DENND4C: variants seen among roughly 807,000 people sequenced by gnomAD.
The protein encoded by DENND4C is DENN domain-containing protein 4C.
Under a neutral mutation model 203.0 loss-of-function variants are expected in DENND4C, and 108 were observed. That is an observed-to-expected ratio of 0.53 (90% CI 0.46 to 0.62). DENND4C has a LOEUF of 0.62. DENND4C is among the 20% of genes least tolerant of loss of function. The pLI is 0.00. For synonymous variants in DENND4C, 871 were observed against 792.4 expected (o/e 1.10, Z -1.67); for missense variants, 2,481 against 2,301.2 (o/e 1.08, Z -1.60).
chr9:19,367,436 A>G (rs1169807849), intron 30 of DENND4C, among the ~76,000 whole-genome samples: 1 of 152,270 alleles, frequency 6.6e-6, no homozygotes, highest in African/African-American at 2.4e-5. Context: ...ACAAATGTCT[A>G]TCAGTCTATG....
In DENND4C at chr9:19,319,353, T is replaced by TACAC. The variant is rs1563799068; in HGVS notation, c.1807+2515_1807+2516insCACA. ...ATATATATACACATATATATATACT[T>TACAC]ATATATACACACATATATATACACA... On this transcript the variant is annotated intron_variant, in intron 12 of 32. Transcript: ENST00000434457. 3.0e-3 allele frequency among the ~76,000 whole-genome samples: 13 copies of TACAC among 4,332 alleles called. 1 individual carries two copies. The highest frequency in any genetic ancestry group is 6.4e-3 in the African/African-American group (13 of 2,040). 2.8% of individuals were successfully genotyped at this position (4,332 alleles called of 152,430 possible).
At position 19,347,102 on chromosome 9, in the gene DENND4C, G is replaced by A. The variant is rs1168222014; in HGVS notation, c.4317+16G>A. 13 of 1,599,204 alleles carry A rather than the reference G, an allele frequency of 8.1e-6. No individual in the cohort carries two copies. The Admixed American group carries it at 2.0e-4, about 25-fold the overall frequency. ...AGATGATGAGGTAAGAAAGCTTTAT[G>A]TGTGTAGTCTGTCTGCTATTGGAGT... On this transcript the variant is annotated intron_variant, in intron 23 of 32. Coordinates refer to ENST00000434457, the MANE Select transcript of DENND4C (RefSeq NM_001330640.2).
At chr9:19,359,875 T>C (rs903548832) in intron 28 of DENND4C, among the ~76,000 whole-genome samples, 2 of 152,220 alleles carry the variant, frequency 1.3e-5, no homozygotes, top group African/African-American at 4.8e-5. Context: ...CCCATCAGTT[T>C]AGAGTTGTAG....
chr9:19,272,946 T>C (rs1437500907), intron 1 of DENND4C, among the ~76,000 whole-genome samples: 3 of 73,712 alleles, frequency 4.1e-5, no homozygotes, highest in Non-Finnish European at 8.6e-5. Context: ...TTTTGTATCC[T>C]TTTTTTTTTT....
chr9:19,325,843 A>AG, intron 13 of DENND4C, 96 bp from the exon 14 acceptor site: 1 of 1,150,246 alleles, frequency 8.7e-7, no homozygotes, highest in Non-Finnish European at 1.3e-6. Context: ...GGTACTGAAA[A>AG]GGGGTAGTTT....
At chr9:19,246,350 G>C (rs957962142) in intron 1 of DENND4C, among the ~76,000 whole-genome samples, 4 of 152,054 alleles carry the variant, frequency 2.6e-5, no homozygotes, top group Non-Finnish European at 5.9e-5. Flanking sequence ...CTACACCATT[G>C]CTGTGTCTGC....
intron 1 of DENND4C, among the ~76,000 whole-genome samples, chr9:19,243,979 T>G (rs1243616474): frequency 1.3e-5 from 2 of 152,016 alleles, no homozygotes; most frequent in African/African-American, 4.8e-5. Flanking sequence ...TCTGGGTAAT[T>G]TTTAAAAATT....
intron 23 of DENND4C, among the ~76,000 whole-genome samples, chr9:19,348,476 A>G (rs941979047): frequency 6.6e-6 from 1 of 152,342 alleles, no homozygotes; most frequent in Middle Eastern, 3.4e-3. Context: ...GAAGAGTGTC[A>G]GAAGAGTATA....
chr9:19,325,826 A>G (rs1817697134), intron 13 of DENND4C, 113 bp from the exon 14 acceptor site: 1 of 946,784 alleles, frequency 1.1e-6, no homozygotes. Flanking sequence ...CATGTTTTGT[A>G]TCAGCTGGTA....
chr9:19,370,877 G>C (rs1421114185), intron 31 of DENND4C, among the ~76,000 whole-genome samples: 1 of 152,132 alleles, frequency 6.6e-6, no homozygotes, highest in Admixed American at 6.5e-5. Flanking sequence ...AGTTTTTTAG[G>C]TCATGGCATC....
intron 3 of DENND4C, among the ~76,000 whole-genome samples, chr9:19,288,173 C>G (rs950163719): frequency 6.6e-6 from 1 of 152,208 alleles, no homozygotes; most frequent in Non-Finnish European, 1.5e-5. Flanking sequence ...CTAATATTAG[C>G]TTAATGTTGT....
chr9:19,358,093 A>C lies in DENND4C; in HGVS notation c.5093A>C (p.Asp1698Ala). Residue 1698 changes from aspartate (D) to alanine (A), a missense_variant, in exon 28 of 33, where the codon GAC becomes GCC. Physicochemically the swap from Asp to Ala is moderately radical, Grantham distance 126 (BLOSUM62 -2). This residue lies in a region of DENND4C where 2,289 missense variants were observed against 2,113.3 expected (regional missense o/e 1.08). Coordinates refer to ENST00000434457, the MANE Select transcript of DENND4C (RefSeq NM_001330640.2). This position sits in a 1 kb window ranked among gnomAD's most constrained non-coding sequence, Gnocchi z 4.8. ...HSVGGPLQNI[D>A]FTQRPFHGIS... ...GTTGGAGGCCCATTGCAGAATATTGACTTTACCCAGCGACCGTTTCATGGC... is the reference window on the plus strand; with the variant it reads ...GTTGGAGGCCCATTGCAGAATATTGCCTTTACCCAGCGACCGTTTCATGGC... 6.2e-7 allele frequency: 1 copy of C among 1,613,980 alleles called. No individual in the cohort carries two copies. Among genetic ancestry groups the C allele is most frequent in the Non-Finnish European group, 8.5e-7 (1 of 1,179,874 alleles).
chr9:19,264,232 G>T (rs1830020138), intron 1 of DENND4C, among the ~76,000 whole-genome samples: 1 of 151,140 alleles, frequency 6.6e-6, no homozygotes, highest in Non-Finnish European at 1.5e-5. Flanking sequence ...TTGGTAGGTT[G>T]TATGTTTCTA....
chr9:19,299,155 A>C lies in DENND4C; in HGVS notation c.1108-74A>C, dbSNP rs998412495. ...CTTTGATCTAAATATATAGATTTCAAAAGTAGTTTTGAAACTTATCTCTTG... is the reference window on the plus strand; with the variant it reads ...CTTTGATCTAAATATATAGATTTCACAAGTAGTTTTGAAACTTATCTCTTG... On this transcript the variant is annotated intron_variant, in intron 7 of 32. Transcript: ENST00000434457. 5 of 1,109,980 alleles carry C rather than the reference A, an allele frequency of 4.5e-6. No individual in the cohort carries two copies. In the South Asian group the frequency reaches 4.7e-5, roughly 10 times the overall value. 68.8% of individuals were successfully genotyped at this position (1,109,980 alleles called of 1,614,324 possible).
At chr9:19,317,210 A>G (rs1563796683) in intron 12 of DENND4C, among the ~76,000 whole-genome samples, 1 of 143,462 alleles carries the variant, frequency 7.0e-6, no homozygotes, top group Non-Finnish European at 1.5e-5. Context: ...TTAATAGAGC[A>G]GAGTCTTGCT....
chr9:19,250,204 G>C (rs1177841430), intron 1 of DENND4C, among the ~76,000 whole-genome samples: 1 of 152,020 alleles, frequency 6.6e-6, no homozygotes, highest in African/African-American at 2.4e-5. Context: ...GCACTTTGGG[G>C]GGCTGAGGCG....
At chr9:19,307,769 CAAAAAA>C (rs398046460) in intron 10 of DENND4C, among the ~76,000 whole-genome samples, 1 of 89,212 alleles carries the variant, frequency 1.1e-5, no homozygotes, top group African/African-American at 4.0e-5. Flanking sequence ...GACTCTGTCT[CAAAAAA>C]AAAAAAAAAA....
Position 19,372,326 on chromosome 9 carries a change from C to T in DENND4C, c.*153C>T, listed in dbSNP as rs187251120. 1,170 of 919,834 alleles carry T rather than the reference C, an allele frequency of 1.3e-3. 5 individuals carry two copies. Among genetic ancestry groups the T allele is most frequent in the Non-Finnish European group, 1.5e-3 (925 of 632,988 alleles). The allele number at this position is 919,834 out of a possible 1,614,324, so 57.0% of individuals were successfully genotyped here. On this transcript the variant is annotated 3_prime_UTR_variant, in exon 33 of 33. Transcript: ENST00000434457. ...ATATAATGAATTATGATTCATATTG[C>T]ATTACCTTGAAATATGAAGTGCCAT...
At chr9:19,303,181 A>G (rs1371397232) in intron 9 of DENND4C, among the ~76,000 whole-genome samples, 1 of 152,094 alleles carries the variant, frequency 6.6e-6, no homozygotes, top group African/African-American at 2.4e-5. Context: ...TTCTGTGAGC[A>G]ATTTCTTTTC....
Sources: gnomAD v4.1 joint callset for allele counts (sites outside exome capture counted in the v4.1 genomes callset) on GRCh38, gnomAD v4.1.1 for gene constraint, gnomAD v4.1.1 regional missense constraint, Gnocchi (gnomAD v3.1) non-coding constraint, MANE v1.5 for transcripts, NCBI Gene and HGNC (gene_info 2026-07-23, HGNC 2026-07-21) for gene names.